The following EEF2K variants were observed in gnomAD, a reference collection of about 807,000 sequenced individuals.
The protein encoded by EEF2K is eukaryotic elongation factor 2 kinase.
Under a neutral mutation model 93.8 loss-of-function variants are expected in EEF2K, and 70 were observed. The observed-to-expected ratio is 0.75, with a 90% CI of 0.62 to 0.91. The LOEUF (loss-of-function observed/expected upper bound fraction) is 0.91. Among genes scored for constraint, EEF2K ranks in the 40% least tolerant of loss-of-function variants. EEF2K has a pLI of 0.00. For missense variants in EEF2K, 935 were observed against 972.9 expected (o/e 0.96, Z 0.52); for synonymous variants, 376 against 380.8 (o/e 0.99, Z 0.15).
rs547913260 is a variant in EEF2K at position 22,273,685 on chromosome 16, C to T, written c.1824C>T (p.Gly608=). Residue 608 remains glycine (G), a synonymous_variant, in exon 16 of 18, where the codon GGC becomes GGT. Coordinates refer to ENST00000263026, the MANE Select transcript of EEF2K (RefSeq NM_013302.5). ...FDYLLKAAEA[G]DRQSMILVAR... is the part of the protein sequence containing the mutation. ...ACTTACTAAAGGCCGCTGAAGCTGG[C>T]GACAGGCAGTCCATGATCCTAGTGG... The T allele has an allele frequency of 1.4e-5, 22 of 1,614,166 alleles. No individual in the cohort carries two copies. The highest frequency in any genetic ancestry group is 9.3e-5 in the African/African-American group (7 of 75,040).
At chr16:22,213,062 C>T (rs1405071181) in intron 1 of EEF2K, among the ~76,000 whole-genome samples, 1 of 151,924 alleles carries the variant, frequency 6.6e-6, no homozygotes, top group African/African-American at 2.4e-5. Flanking sequence ...GGTGGATCAC[C>T]TGAGGTCAGG....
intron 15 of EEF2K, among the ~76,000 whole-genome samples, chr16:22,270,002 G>A (rs1356028217): frequency 1.3e-5 from 2 of 150,950 alleles, no homozygotes; most frequent in Non-Finnish European, 2.9e-5. Context: ...CTGTCACCCA[G>A]GCTGGAGTGC....
intron 16 of EEF2K, among the ~76,000 whole-genome samples, chr16:22,279,622 T>G (rs1341868472): frequency 6.6e-6 from 1 of 152,164 alleles, no homozygotes; most frequent in Non-Finnish European, 1.5e-5. Context: ...TTGACTATAG[T>G]CACTGTTTTT....
intron 13 of EEF2K, among the ~76,000 whole-genome samples, chr16:22,266,184 T>C (rs373660213): frequency 6.6e-6 from 1 of 151,458 alleles, no homozygotes; most frequent in South Asian, 2.1e-4. Flanking sequence ...ATTGTGCCAT[T>C]GCACTCCAAC....
rs1217281070 is a variant in EEF2K at position 22,284,589 on chromosome 16, G to A, written c.*593G>A. 3 of 151,528 alleles carry A rather than the reference G, an allele frequency of 2.0e-5. No homozygotes were observed. The highest frequency in any genetic ancestry group is 4.4e-5 in the Non-Finnish European group (3 of 67,928). The allele number at this position is 151,528 out of a possible 1,614,324, so 9.4% of individuals were successfully genotyped here. A position where few individuals can be genotyped will look rare whatever the true frequency, so the allele number is the denominator to read the frequency against. ...AGCCACCATGCCTGCCCATTTTGTG[G>A]TTCTATTTTCATTTTTATTTCTTTT... On this transcript the variant is annotated 3_prime_UTR_variant, in exon 18 of 18. Transcript: ENST00000263026.
chr16:22,244,859 G>A lies in EEF2K; in HGVS notation c.347+129G>A, dbSNP rs2047271114. ...GTAATCATAACAGCAGCTAATATTGGCATGCTAATGCGTGCTTAAGGCCCG... is the reference window on the plus strand; with the variant it reads ...GTAATCATAACAGCAGCTAATATTGACATGCTAATGCGTGCTTAAGGCCCG... On this transcript the variant is annotated intron_variant, in intron 3 of 17. Transcript: ENST00000263026. 4.5e-6 allele frequency: 4 copies of A among 898,236 alleles called. No individual in the cohort carries two copies. The East Asian group carries it at 1.1e-4, about 24-fold the overall frequency. The allele number at this position is 898,236 out of a possible 1,614,324, so 55.6% of individuals were successfully genotyped here.
chr16:22,267,498 G>A (rs1479603067), intron 15 of EEF2K, among the ~76,000 whole-genome samples: 3 of 152,072 alleles, frequency 2.0e-5, no homozygotes, highest in African/African-American at 4.8e-5. Context: ...GGGAGGCTGA[G>A]GTGGGAGAAT....
chr16:22,266,029 A>G (rs2047513944), intron 13 of EEF2K, among the ~76,000 whole-genome samples: 1 of 152,058 alleles, frequency 6.6e-6, no homozygotes, highest in Non-Finnish European at 1.5e-5. Context: ...TGGCTCTTGA[A>G]TGCATGAGTT....
intron 11 of EEF2K, 69 bp downstream of exon 11, chr16:22,260,598 A>C: frequency 1.9e-6 from 3 of 1,593,908 alleles, no homozygotes; most frequent in Non-Finnish European, 2.6e-6. Flanking sequence ...TCACTCCCAG[A>C]GTGAATCTTC....
chr16:22,220,641 C>T lies in EEF2K; in HGVS notation c.-76-5013C>T, dbSNP rs538352626. On this transcript the variant is annotated intron_variant, in intron 1 of 17. Coordinates refer to ENST00000263026, the MANE Select transcript of EEF2K (RefSeq NM_013302.5). Reference sequence around the variant, plus strand: ...GTATTTTTTCGTAGAGACAGGATTTCGCCATGTTCCCCAGGCTGGCCTCGA... The same window carrying T: ...GTATTTTTTCGTAGAGACAGGATTTTGCCATGTTCCCCAGGCTGGCCTCGA... Among the ~76,000 whole-genome samples the T allele has an allele frequency of 7.2e-5, 11 of 152,270 alleles. 2 individuals carry two copies. In the South Asian group the frequency reaches 2.3e-3, roughly 32 times the overall value.
chr16:22,213,844 C>T (rs1336198445), intron 1 of EEF2K, among the ~76,000 whole-genome samples: 1 of 152,164 alleles, frequency 6.6e-6, no homozygotes, highest in Non-Finnish European at 1.5e-5. Context: ...CTTCTACCTC[C>T]TTTTTATAAG....
chr16:22,225,855 C>T lies in EEF2K; in HGVS notation c.126C>T (p.Ile42=). 1 of 1,614,234 alleles carries T rather than the reference C, an allele frequency of 6.2e-7. No homozygotes were observed. Among genetic ancestry groups the T allele is most frequent in the African/African-American group, 1.3e-5 (1 of 75,060 alleles). The change falls in exon 2 of 18, where the codon ATC becomes ATT. Residue 42 remains isoleucine (I), a synonymous_variant. Transcript: ENST00000263026. ...DDEEGYFICP[I]TDDPSSNQNV... ...AGGAAGGTTACTTCATCTGCCCCAT[C>T]ACGGATGACCCAAGCTCGAACCAGA...
intron 2 of EEF2K, among the ~76,000 whole-genome samples, chr16:22,229,556 G>T (rs1175747594): frequency 6.6e-6 from 1 of 152,118 alleles, no homozygotes; most frequent in East Asian, 1.9e-4. Context: ...ACAAAAATTA[G>T]CCGGGCGTGT....
chr16:22,246,290 G>A (rs1247842747), intron 3 of EEF2K, among the ~76,000 whole-genome samples: 1 of 152,010 alleles, frequency 6.6e-6, no homozygotes, highest in African/African-American at 2.4e-5. Flanking sequence ...GGGAGGCCGA[G>A]GTGAGTGGAT....
At chr16:22,226,502 C>T (rs1248597027) in intron 2 of EEF2K, among the ~76,000 whole-genome samples, 6 of 120,200 alleles carry the variant, frequency 5.0e-5, no homozygotes, top group Non-Finnish European at 6.5e-5. Flanking sequence ...CTTTTTCTTT[C>T]TTTTCCTTCT....
At chr16:22,256,961 C>G in intron 7 of EEF2K, 64 bp downstream of exon 7, 1 of 1,596,092 alleles carries the variant, frequency 6.3e-7, no homozygotes. Flanking sequence ...CCTGGCCAGG[C>G]TCAGCCCCTA....
chr16:22,229,004 T>C (rs1006608376), intron 2 of EEF2K, among the ~76,000 whole-genome samples: 3 of 152,162 alleles, frequency 2.0e-5, no homozygotes, highest in Non-Finnish European at 4.4e-5. Flanking sequence ...TCCACAATGG[T>C]GGTGCATGCC....
intron 2 of EEF2K, among the ~76,000 whole-genome samples, chr16:22,243,449 A>T (rs1321326464): frequency 6.6e-6 from 1 of 151,494 alleles, no homozygotes; most frequent in Non-Finnish European, 1.5e-5. Context: ...ACAGGGTTTC[A>T]CCGTGTTGGC....
chr16:22,251,804 T>A (rs1284621734), intron 6 of EEF2K, among the ~76,000 whole-genome samples: 2 of 151,792 alleles, frequency 1.3e-5, no homozygotes. Context: ...TTTATTTTTA[T>A]TTTTTTTGAG....
Sources: gnomAD v4.1 joint callset for allele counts (sites outside exome capture counted in the v4.1 genomes callset) on GRCh38, gnomAD v4.1.1 for gene constraint, MANE v1.5 for transcripts, NCBI Gene and HGNC (gene_info 2026-07-23, HGNC 2026-07-21) for gene names.